Variants in FAM227B observed in about 807,000 individuals in gnomAD.
FAM227B encodes family with sequence similarity 227 member B.
A neutral mutation model predicts 73.8 loss-of-function variants in FAM227B; 88 were observed. The ratio of observed to expected loss-of-function variants is 1.19; its 90% CI spans 1.00 to 1.42. The LOEUF is 1.42. Among genes scored for constraint, FAM227B ranks in the 40% most tolerant of loss-of-function variants. The pLI is 0.00. For missense variants in FAM227B, 632 were observed against 590.9 expected (o/e 1.07, Z -0.72); for synonymous variants, 210 against 190.5 (o/e 1.10, Z -0.84).
intron 11 of FAM227B, among the ~76,000 whole-genome samples, chr15:49,419,481 A>G (rs1013707357): frequency 1.3e-5 from 2 of 152,238 alleles, no homozygotes; most frequent in Admixed American, 6.5e-5. Flanking sequence ...GAAGAACAGA[A>G]AAAAATGGGA....
chr15:49,396,351 C>G (rs113407206), intron 11 of FAM227B: 49,896 of 293,200 alleles, frequency 0.17, 4,883 homozygotes, highest in Middle Eastern at 0.22. Context: ...GTCCTACGCC[C>G]ACGGAGTCTC....
Position 49,337,440 on chromosome 15 carries a change from G to A in FAM227B, c.1272-1944C>T, listed in dbSNP as rs547128719. Among the ~76,000 whole-genome samples the A allele has an allele frequency of 7.0e-5, 9 of 128,898 alleles. No individual in the cohort carries two copies. The South Asian group carries it at 1.0e-3, about 15-fold the overall frequency. The allele number at this position is 128,898 out of a possible 152,430, so 84.6% of individuals were successfully genotyped here. A position where few individuals can be genotyped will look rare whatever the true frequency, so the allele number is the denominator to read the frequency against. ...TTTTCGTTTGCATTTCTCTGCTGAC[G>A]AGTGATGCTAAGCATTTTTGCATAT... On this transcript the variant is annotated intron_variant, in intron 13 of 15. Coordinates refer to ENST00000299338, the MANE Select transcript of FAM227B (RefSeq NM_152647.3).
chr15:49,413,866 C>T (rs1597026952), intron 11 of FAM227B, among the ~76,000 whole-genome samples: 1 of 151,200 alleles, frequency 6.6e-6, no homozygotes, highest in African/African-American at 2.4e-5. Flanking sequence ...ATCTAGAATG[C>T]TCTACCTCCA....
chr15:49,556,115 G>A (rs2073645680), intron 9 of FAM227B, among the ~76,000 whole-genome samples: 1 of 152,158 alleles, frequency 6.6e-6, no homozygotes, highest in Non-Finnish European at 1.5e-5. Context: ...CATTATTGGG[G>A]AACTAGTACA....
At chr15:49,589,048 A>G (rs183677790) in intron 4 of FAM227B, among the ~76,000 whole-genome samples, 42 of 152,284 alleles carry the variant, frequency 2.8e-4, no homozygotes, top group African/African-American at 9.1e-4. Flanking sequence ...AAGAATAATT[A>G]TAAGTATTTA....
At chr15:49,504,857 C>T (rs193082165) in intron 11 of FAM227B, among the ~76,000 whole-genome samples, 6 of 152,214 alleles carry the variant, frequency 3.9e-5, no homozygotes, top group East Asian at 3.9e-4. Context: ...TGACCTAATA[C>T]GTTACATAAC....
chr15:49,613,187 T>G (rs1396838183), intron 2 of FAM227B, among the ~76,000 whole-genome samples: 1 of 151,762 alleles, frequency 6.6e-6, no homozygotes, highest in Non-Finnish European at 1.5e-5. Context: ...CCAATCTCCA[T>G]AAAAAATTTT....
In FAM227B at chr15:49,433,303, G is replaced by T. The variant is rs539949218; in HGVS notation, c.1013-61904C>A. Reference sequence around the variant, plus strand: ...ATTTGGCACTGTCACTAGAATGTCAGTTCTGAGAAAATAAGTACCATATCT... The same window carrying T: ...ATTTGGCACTGTCACTAGAATGTCATTTCTGAGAAAATAAGTACCATATCT... On this transcript the variant is annotated intron_variant, in intron 11 of 15. Transcript: ENST00000299338. Among the ~76,000 whole-genome samples the T allele has an allele frequency of 4.0e-5, 6 of 151,544 alleles. No individual in the cohort carries two copies. The South Asian group carries it at 1.0e-3, about 26-fold the overall frequency.
intron 11 of FAM227B, among the ~76,000 whole-genome samples, chr15:49,460,906 T>G (rs1413842585): frequency 6.6e-6 from 1 of 152,190 alleles, no homozygotes; most frequent in African/African-American, 2.4e-5. Flanking sequence ...GTTTTTAATT[T>G]TTCTTTCTTA....
chr15:49,610,843 T>C (rs1317193211), intron 3 of FAM227B, among the ~76,000 whole-genome samples: 1 of 152,172 alleles, frequency 6.6e-6, no homozygotes, highest in Non-Finnish European at 1.5e-5. Flanking sequence ...TCAAGGAATA[T>C]TGATGTAACA....
intron 2 of FAM227B, 111 bp from the exon 3 acceptor site, chr15:49,611,379 C>T (rs915850259): frequency 6.8e-5 from 38 of 557,958 alleles, no homozygotes; most frequent in African/African-American, 3.5e-4. Context: ...ATTTTCAGAG[C>T]GGTAAGATAT....
chr15:49,600,224 C>G (rs1255408365), intron 3 of FAM227B, among the ~76,000 whole-genome samples: 3 of 152,090 alleles, frequency 2.0e-5, no homozygotes, highest in African/African-American at 7.2e-5. Flanking sequence ...AGAAGTAGAG[C>G]TATCCTAGTT....
intron 4 of FAM227B, 78 bp from the exon 5 acceptor site, chr15:49,588,161 T>G (rs1422698384): frequency 1.2e-6 from 1 of 827,122 alleles, no homozygotes; most frequent in Non-Finnish European, 1.7e-6. Context: ...TTTTAAATAC[T>G]TTAAACAAAT....
chr15:49,346,488 A>T (rs1428557556), intron 13 of FAM227B, among the ~76,000 whole-genome samples: 4 of 152,114 alleles, frequency 2.6e-5, no homozygotes, highest in Non-Finnish European at 5.9e-5. Context: ...TAGATGTGAG[A>T]GCTGTTCTCC....
intron 11 of FAM227B, among the ~76,000 whole-genome samples, chr15:49,407,591 T>C (rs1200963498): frequency 6.7e-6 from 1 of 150,098 alleles, no homozygotes; most frequent in East Asian, 1.9e-4. Context: ...GTTTCTTTAC[T>C]CTCCGCTGTT....
chr15:49,463,890 A>T (rs1283546132), intron 11 of FAM227B, among the ~76,000 whole-genome samples: 1 of 152,032 alleles, frequency 6.6e-6, no homozygotes, highest in Non-Finnish European at 1.5e-5. Flanking sequence ...GACTACTTCA[A>T]ACTGATTTGA....
At chr15:49,457,043 G>C (rs1450355710) in intron 11 of FAM227B, among the ~76,000 whole-genome samples, 1 of 152,028 alleles carries the variant, frequency 6.6e-6, no homozygotes, top group Non-Finnish European at 1.5e-5. Context: ...ATGTCTCAAA[G>C]CCAGTATCAT....
intron 3 of FAM227B, among the ~76,000 whole-genome samples, chr15:49,602,213 C>T (rs1385242591): frequency 6.6e-6 from 1 of 152,144 alleles, no homozygotes; most frequent in Admixed American, 6.5e-5. Context: ...TTTTGAGGAA[C>T]CTTCAAATTG....
intron 11 of FAM227B, among the ~76,000 whole-genome samples, chr15:49,407,303 C>T (rs2048581332): frequency 1.3e-5 from 2 of 152,166 alleles, no homozygotes; most frequent in South Asian, 4.1e-4. Flanking sequence ...CTTGCCAGTT[C>T]AACTGGCCCA....
Sources: gnomAD v4.1 joint callset for allele counts (sites outside exome capture counted in the v4.1 genomes callset) on GRCh38, gnomAD v4.1.1 for gene constraint, MANE v1.5 for transcripts, NCBI Gene and HGNC (gene_info 2026-07-23, HGNC 2026-07-21) for gene names.